The following MED24 variants were observed in gnomAD, a reference collection of about 807,000 sequenced individuals.
MED24 encodes the protein mediator of RNA polymerase II transcription subunit 24.
MED24 carries 74 observed loss-of-function variants against 118.8 expected under a neutral mutation model. The ratio of observed to expected loss-of-function variants is 0.62; its 90% confidence interval spans 0.52 to 0.76. The LOEUF is 0.76. Among genes scored for constraint, MED24 ranks in the 30% least tolerant of loss-of-function variants. MED24 has a pLI of 0.00. For missense variants in MED24, 1,041 were observed against 1,278.9 expected, an observed-to-expected ratio of 0.81 and a Z score of 2.84; for synonymous variants, 521 against 523.9, an observed-to-expected ratio of 0.99 and a Z score of 0.08.
chr17:40,032,951 C>G (rs1416125146), intron 8 of MED24, 105 bp downstream of exon 8: 48 of 1,492,184 alleles, frequency 3.2e-5, no homozygotes, highest in Non-Finnish European at 4.3e-5. Context: ...CATCATGGAG[C>G]AGGAGAAACC....
At chr17:40,029,428 C>T (rs1983110725) in intron 13 of MED24, among the ~76,000 whole-genome samples, 1 of 152,132 alleles carries the variant, frequency 6.6e-6, no homozygotes, top group Non-Finnish European at 1.5e-5. Flanking sequence ...AAACTCCTGA[C>T]CTCAAGGGAT....
intron 6 of MED24, chr17:40,034,852 CCCCCCACCCCCCA>C: frequency 5.2e-6 from 2 of 386,866 alleles, no homozygotes; most frequent in East Asian, 5.3e-5. Flanking sequence ...CCTTTGGTAG[CCCCCCACCCCCCA>C]CCCCCAGCAC....
chr17:40,042,488 G>A (rs1223627068), intron 3 of MED24, among the ~76,000 whole-genome samples: 1 of 152,180 alleles, frequency 6.6e-6, no homozygotes, highest in Admixed American at 6.6e-5. Context: ...GCCTGGCCAA[G>A]ATGGTGAAAC....
chr17:40,032,832 G>A (rs1983540742), intron 8 of MED24, 70 bp from the exon 9 acceptor site: 1 of 1,461,984 alleles, frequency 6.8e-7, no homozygotes, highest in Admixed American at 1.7e-5. Context: ...GGACTCTGAG[G>A]ATTTGGCTGG....
chr17:40,051,022 G>A (rs1985778975), intron 3 of MED24, among the ~76,000 whole-genome samples: 1 of 151,544 alleles, frequency 6.6e-6, no homozygotes, highest in Non-Finnish European at 1.5e-5. Flanking sequence ...TGTACTCCCA[G>A]CTACTTGGGA....
chr17:40,053,723 A>ATG (rs1296310464), intron 1 of MED24, 88 bp from the exon 2 acceptor site: 1 of 1,512,936 alleles, frequency 6.6e-7, no homozygotes, highest in Non-Finnish European at 9.1e-7. Context: ...AAAGGAGAAG[A>ATG]TGCGGGAAGA....
At position 40,033,400 on chromosome 17, in the gene MED24, G is replaced by A. The variant is rs768366598; in HGVS notation, c.616C>T (p.Leu206Phe). ...TGACTCCGGAGCTGCGGGTTGCTGAGATTGGCCAGGATCTCTCCAAGTTTC... is the reference window on the plus strand; with the variant it reads ...TGACTCCGGAGCTGCGGGTTGCTGAAATTGGCCAGGATCTCTCCAAGTTTC... ...LLKLGEILAN[L>F]SNPQLRSQAE... The change falls in exon 7 of 26, where the codon CTC becomes TTC. Residue 206 changes from leucine to phenylalanine, a missense_variant. By Grantham distance (22) the Leu-to-Phe change is conservative. This residue lies in a region of MED24 where 434 missense variants were observed against 514.9 expected (regional missense o/e 0.84). Coordinates refer to ENST00000394128, the MANE Select transcript of MED24 (RefSeq NM_014815.4). This position sits in a 1 kb window ranked among gnomAD's most constrained non-coding sequence, Gnocchi z 5.2. The A allele has an allele frequency of 1.8e-5, 29 of 1,611,052 alleles. No individual in the cohort carries two copies. The highest frequency in any genetic ancestry group is 3.4e-5 in the Admixed American group (2 of 59,588).
intron 12 of MED24, among the ~76,000 whole-genome samples, 198 bp from the exon 13 acceptor site, chr17:40,030,057 A>G (rs1257138715): frequency 1.3e-5 from 2 of 152,120 alleles, no homozygotes; most frequent in Non-Finnish European, 2.9e-5. Context: ...TTTTTGAGAC[A>G]GGTCTCACTC....
At chr17:40,039,285 G>A (rs933537916) in intron 3 of MED24, among the ~76,000 whole-genome samples, 3 of 152,166 alleles carry the variant, frequency 2.0e-5, no homozygotes, top group African/African-American at 7.2e-5. Flanking sequence ...AGCAGGATCT[G>A]GCCTATTCAA....
At position 40,022,003 on chromosome 17, in the gene MED24, G is replaced by A. The variant is rs778352722; in HGVS notation, c.2575C>T (p.Arg859Ter). 6.1e-5 allele frequency: 98 copies of A among 1,611,196 alleles called. No homozygotes were observed. The highest frequency in any genetic ancestry group is 8.0e-5 in the Non-Finnish European group (94 of 1,178,742). The change falls in exon 23 of 26, where the codon CGA becomes TGA. Residue 859 changes from arginine to a stop codon, truncating the protein, a stop_gained. Transcript: ENST00000394128. LOFTEE classifies it high-confidence loss of function. Reference sequence around the variant, plus strand: ...TCGTCCTCATTAGAGCTCAGCAGTCGCATCAACTTCGAAGGCTGCACATCG... The same window carrying A: ...TCGTCCTCATTAGAGCTCAGCAGTCACATCAACTTCGAAGGCTGCACATCG... ...LDDVQPSKLM[R>*]LLSSNEDDAN... is the part of the protein sequence containing the mutation.
chr17:40,034,572 A>G (rs1408570887), intron 6 of MED24, among the ~76,000 whole-genome samples: 3 of 152,188 alleles, frequency 2.0e-5, no homozygotes, highest in Non-Finnish European at 4.4e-5. Flanking sequence ...CAGGCTCTGG[A>G]AAGTACCCAA....
Position 40,029,877 on chromosome 17 carries a change from T to C in MED24, c.1155-18A>G. 1.9e-6 allele frequency: 3 copies of C among 1,611,222 alleles called. No individual in the cohort carries two copies. The African/African-American group carries it at 4.0e-5, about 21-fold the overall frequency. ...CCGCTTTGCTGTGGACATCACCAGT[T>C]GGCCAAGGAAGGGAAGAGGAATGAA... On this transcript the variant is annotated intron_variant, in intron 12 of 25. Transcript: ENST00000394128.
intron 3 of MED24, among the ~76,000 whole-genome samples, chr17:40,040,725 TCTC>T (rs1160718127): frequency 2.0e-5 from 3 of 151,834 alleles, no homozygotes; most frequent in Admixed American, 1.3e-4. Context: ...TTCAAGCAAT[TCTC>T]CTGCCTCAGC....
chr17:40,027,753 A>T, intron 15 of MED24, 156 bp downstream of exon 15: 1 of 824,670 alleles, frequency 1.2e-6, no homozygotes, highest in Non-Finnish European at 2.0e-6. Context: ...AGCATTATCC[A>T]CTTTCAAGCT....
Position 40,021,940 on chromosome 17 carries a change from A to G in MED24, c.2623+15T>C. The G allele has an allele frequency of 6.4e-7, 1 of 1,558,200 alleles. No individual in the cohort carries two copies. The highest frequency in any genetic ancestry group is 2.3e-5 in the East Asian group (1 of 43,406). ...CCAGGAAAAGGAGCGGCGCGCGGCC[A>G]GCCCACACACTCACTGGGGCTCGAA... On this transcript the variant is annotated intron_variant, in intron 23 of 25. Transcript: ENST00000394128.
chr17:40,026,588 T>C, intron 18 of MED24, 59 bp downstream of exon 18: 2 of 1,466,562 alleles, frequency 1.4e-6, no homozygotes, highest in Admixed American at 1.9e-5. Context: ...ATATAACAAG[T>C]CATCACTGGC....
At chr17:40,032,578 G>A (rs1433497671) in intron 9 of MED24, 71 bp downstream of exon 9, 1 of 1,244,550 alleles carries the variant, frequency 8.0e-7, no homozygotes, top group Non-Finnish European at 1.2e-6. Flanking sequence ...ACAGGGCAAA[G>A]GTCCAGGGTG....
chr17:40,020,352 T>G lies in MED24; in HGVS notation c.2625A>C (p.Thr875=). The G allele has an allele frequency of 6.3e-7, 1 of 1,596,444 alleles. No individual in the cohort carries two copies. Among genetic ancestry groups the G allele is most frequent in the Non-Finnish European group, 8.5e-7 (1 of 1,171,520 alleles). ...EDDANILSSP[T]DRSMSSSLSA... is the part of the protein sequence containing the mutation. Reference sequence around the variant, plus strand: ...AGAGGGAGCTGCTCATGGATCGGTCTGCTGTGGGACGGAGCAGATGGAGCG... The same window carrying G: ...AGAGGGAGCTGCTCATGGATCGGTCGGCTGTGGGACGGAGCAGATGGAGCG... Residue 875 remains threonine, a splice_region_variant and synonymous_variant, in exon 24 of 26, where the codon ACA becomes ACC. Transcript: ENST00000394128.
At chr17:40,051,160 A>G (rs866056486) in intron 3 of MED24, among the ~76,000 whole-genome samples, 1 of 136,944 alleles carries the variant, frequency 7.3e-6, no homozygotes, top group Admixed American at 7.1e-5. Context: ...AAAAAAAAAA[A>G]TTTTGCCAGG....
Sources: gnomAD v4.1 joint callset for allele counts (sites outside exome capture counted in the v4.1 genomes callset) on GRCh38, gnomAD v4.1.1 for gene constraint, gnomAD v4.1.1 regional missense constraint, Gnocchi (gnomAD v3.1) non-coding constraint, MANE v1.5 for transcripts, NCBI Gene and HGNC (gene_info 2026-07-23, HGNC 2026-07-21) for gene names.